Variants in ADARB2 observed in about 807,000 individuals in gnomAD.
ADARB2 encodes the protein inactive double-stranded RNA-specific editase B2.
Under a neutral mutation model 62.2 loss-of-function variants are expected in ADARB2, and 25 were observed. That is an observed-to-expected ratio of 0.40 (90% CI 0.29 to 0.56). The LOEUF (loss-of-function observed/expected upper bound fraction) is 0.56. ADARB2 is among the 20% of genes least tolerant of loss of function. The pLI is 0.43. For synonymous variants in ADARB2, 572 were observed against 500.8 expected, an observed-to-expected ratio of 1.14 and a Z score of -1.90; for missense variants, 1,071 against 1,077.4, an observed-to-expected ratio of 0.99 and a Z score of 0.08.
At chr10:1,482,393 T>C (rs7072117) in intron 1 of ADARB2, among the ~76,000 whole-genome samples, 17,879 of 152,220 alleles carry the variant, frequency 0.12, 3,360 homozygotes, top group African/African-American at 0.4. Context: ...TTGTGCATAA[T>C]GGAGGCATTA....
chr10:1,220,117 GTGA>G (rs1215454674), intron 6 of ADARB2, among the ~76,000 whole-genome samples: 2 of 146,262 alleles, frequency 1.4e-5, no homozygotes, highest in African/African-American at 2.5e-5. Context: ...GGTGATGATG[GTGA>G]TGATGGTGAA....
chr10:1,501,477 A>C (rs542602281), intron 1 of ADARB2, among the ~76,000 whole-genome samples: 1 of 152,322 alleles, frequency 6.6e-6, no homozygotes, highest in African/African-American at 2.4e-5. Context: ...GAGTCACTGG[A>C]GGTGGAACTC....
chr10:1,263,019 A>T (rs904799040), intron 4 of ADARB2, among the ~76,000 whole-genome samples: 1 of 151,658 alleles, frequency 6.6e-6, no homozygotes, highest in Non-Finnish European at 1.5e-5. Flanking sequence ...TTCTCAGCAA[A>T]CTATCACAAG....
intron 1 of ADARB2, among the ~76,000 whole-genome samples, chr10:1,545,061 C>T (rs1245019901): frequency 6.6e-6 from 1 of 151,392 alleles, no homozygotes; most frequent in African/African-American, 2.4e-5. Context: ...TGCTGAGCAC[C>T]CAGTAACAGG....
At chr10:1,563,414 C>T (rs914891246) in intron 1 of ADARB2, among the ~76,000 whole-genome samples, 4 of 152,158 alleles carry the variant, frequency 2.6e-5, no homozygotes, top group African/African-American at 7.2e-5. Flanking sequence ...TGACCTCCTG[C>T]ATCCATCTCC....
intron 1 of ADARB2, among the ~76,000 whole-genome samples, chr10:1,387,211 A>G (rs1832532535): frequency 6.6e-6 from 1 of 152,006 alleles, no homozygotes; most frequent in South Asian, 2.1e-4. Flanking sequence ...AGAAGCTAAA[A>G]AAAGAGAGTA....
intron 1 of ADARB2, among the ~76,000 whole-genome samples, chr10:1,605,510 C>T (rs1256278569): frequency 6.6e-6 from 1 of 152,192 alleles, no homozygotes; most frequent in Non-Finnish European, 1.5e-5. Flanking sequence ...TCCAGGGTGA[C>T]CATTTCCTAC....
intron 1 of ADARB2, among the ~76,000 whole-genome samples, chr10:1,523,894 T>A (rs1832105662): frequency 6.6e-6 from 1 of 152,234 alleles, no homozygotes; most frequent in Admixed American, 6.5e-5. Flanking sequence ...ATTGAATAGC[T>A]TGTTTCTTTC....
intron 1 of ADARB2, among the ~76,000 whole-genome samples, chr10:1,643,313 A>G (rs10903528): frequency 0.73 from 111,581 of 152,110 alleles, 44,586 homozygotes; most frequent in Non-Finnish European, 0.89. Flanking sequence ...AAGTCTCTGC[A>G]CCTATAAACT....
intron 3 of ADARB2, among the ~76,000 whole-genome samples, chr10:1,275,092 C>G (rs2804104): frequency 0.062 from 9,383 of 152,318 alleles, 1,000 homozygotes; most frequent in African/African-American, 0.21. Context: ...TGGCCGCTCC[C>G]TTGTGGGGTC....
At chr10:1,407,316 T>C (rs935915859) in intron 1 of ADARB2, among the ~76,000 whole-genome samples, 1 of 152,118 alleles carries the variant, frequency 6.6e-6, no homozygotes, top group Non-Finnish European at 1.5e-5. Flanking sequence ...CTTCTACAAG[T>C]GCCATTGGAA....
intron 1 of ADARB2, among the ~76,000 whole-genome samples, chr10:1,415,689 A>G (rs1270747504): frequency 1.3e-5 from 2 of 152,254 alleles, no homozygotes; most frequent in African/African-American, 2.4e-5. Context: ...CAGATTAGCT[A>G]TTTATTAAAA....
chr10:1,384,182 G>A (rs981718786), intron 1 of ADARB2, among the ~76,000 whole-genome samples: 4 of 152,210 alleles, frequency 2.6e-5, no homozygotes, highest in African/African-American at 9.6e-5. Context: ...AAAAGCCCCA[G>A]GGATAGACGG....
intron 6 of ADARB2, among the ~76,000 whole-genome samples, chr10:1,227,924 A>G (rs1232539098): frequency 2.0e-5 from 3 of 152,162 alleles, no homozygotes; most frequent in South Asian, 2.1e-4. Context: ...ACTTTGCCAT[A>G]TTTGATTGAT....
At chr10:1,364,504 C>T (rs1265378855) in intron 2 of ADARB2, among the ~76,000 whole-genome samples, 1 of 152,226 alleles carries the variant, frequency 6.6e-6, no homozygotes, top group Non-Finnish European at 1.5e-5. Flanking sequence ...AAGGGGCACA[C>T]CTATTCAGTA....
chr10:1,189,330 C>G (rs1836805954), intron 8 of ADARB2, among the ~76,000 whole-genome samples: 1 of 152,048 alleles, frequency 6.6e-6, no homozygotes, highest in South Asian at 2.1e-4. Flanking sequence ...GGTCCAGTTG[C>G]TTGCTCATGG....
At chr10:1,327,339 A>C (rs1831873732) in intron 3 of ADARB2, among the ~76,000 whole-genome samples, 1 of 49,514 alleles carries the variant, frequency 2.0e-5, no homozygotes, top group Non-Finnish European at 4.1e-5. Context: ...GCGCCTCCTC[A>C]CTGCACAGCG....
chr10:1,296,235 C>T (rs780074172), intron 3 of ADARB2, among the ~76,000 whole-genome samples: 5 of 152,202 alleles, frequency 3.3e-5, no homozygotes, highest in Non-Finnish European at 4.4e-5. Context: ...AAGTATGTTC[C>T]CTCCACAGAG....
At chr10:1,457,934 G>A (rs1014464536) in intron 1 of ADARB2, among the ~76,000 whole-genome samples, 3 of 152,042 alleles carry the variant, frequency 2.0e-5, no homozygotes, top group Non-Finnish European at 4.4e-5. Flanking sequence ...CTCTTTGCAC[G>A]TAAAATGTAG....
Sources: allele counts gnomAD v4.1 joint callset (sites outside exome capture counted in the v4.1 genomes callset), GRCh38; gene constraint gnomAD v4.1.1; transcripts MANE v1.5; gene names NCBI Gene and HGNC (gene_info 2026-07-23, HGNC 2026-07-21).